Variants in BNC2 observed in about 807,000 individuals in gnomAD.
BNC2 encodes the protein basonuclin zinc finger protein 2, also known as zinc finger protein basonuclin-2.
BNC2 carries 20 observed loss-of-function variants against 76.3 expected under a neutral mutation model. The ratio of observed to expected loss-of-function variants is 0.26; its 90% CI spans 0.18 to 0.38. The LOEUF (loss-of-function observed/expected upper bound fraction) is 0.38. BNC2 is among the 10% of genes least tolerant of loss of function. The probability of loss-of-function intolerance (pLI) is 1.00; values close to 1 mark genes in which losing one functional copy is unlikely to be tolerated. For synonymous variants in BNC2, 582 were observed against 514.8 expected, an observed-to-expected ratio of 1.13 and a Z score of -1.77; for missense variants, 1,382 against 1,399.8, an observed-to-expected ratio of 0.99 and a Z score of 0.20.
intron 4 of BNC2, among the ~76,000 whole-genome samples, chr9:16,553,487 A>C (rs1818727785): frequency 6.6e-6 from 1 of 152,244 alleles, no homozygotes; most frequent in South Asian, 2.1e-4. Context: ...AATTAAAGTC[A>C]TAATTTTAAA....
At chr9:16,781,246 G>GATCCGGATTCAAGACCTCATGTT (rs58363689) in intron 1 of BNC2, among the ~76,000 whole-genome samples, 2 of 151,932 alleles carry the variant, frequency 1.3e-5, no homozygotes, top group Non-Finnish European at 2.9e-5. Flanking sequence ...AAGGTCTGAA[G>GATCCGGATTCAAGACCTCATGTT]ATCAGGGCTG....
chr9:16,623,290 G>A (rs547884488), intron 3 of BNC2, among the ~76,000 whole-genome samples: 1 of 152,018 alleles, frequency 6.6e-6, no homozygotes, highest in East Asian at 1.9e-4. Context: ...GGAGAGAGAG[G>A]GCATATTGTA....
intron 5 of BNC2, among the ~76,000 whole-genome samples, chr9:16,505,077 G>C (rs927587883): frequency 2.6e-5 from 4 of 152,162 alleles, no homozygotes; most frequent in Non-Finnish European, 5.9e-5. Context: ...TCTGAGCCTT[G>C]TTTCCCTCAT....
At chr9:16,866,108 A>G (rs1027950020) in intron 1 of BNC2, among the ~76,000 whole-genome samples, 1 of 152,212 alleles carries the variant, frequency 6.6e-6, no homozygotes, top group Non-Finnish European at 1.5e-5. Flanking sequence ...AAACTAGTAT[A>G]TAAATATTAA....
chr9:16,604,569 G>C (rs1005177034), intron 3 of BNC2, among the ~76,000 whole-genome samples: 3 of 152,118 alleles, frequency 2.0e-5, no homozygotes, highest in African/African-American at 7.2e-5. Context: ...CACTGAGCTG[G>C]GTGGATCACT....
At chr9:16,682,565 C>G (rs896872303) in intron 3 of BNC2, among the ~76,000 whole-genome samples, 1 of 152,066 alleles carries the variant, frequency 6.6e-6, no homozygotes, top group African/African-American at 2.4e-5. Flanking sequence ...TCATTAATTA[C>G]AGGAAGCACC....
chr9:16,449,008 G>T (rs1171496005), intron 5 of BNC2, among the ~76,000 whole-genome samples: 1 of 152,136 alleles, frequency 6.6e-6, no homozygotes, highest in Non-Finnish European at 1.5e-5. Flanking sequence ...ACAAAAGAGA[G>T]GTGTTTGGGG....
At chr9:16,833,342 C>T (rs546276840) in intron 1 of BNC2, among the ~76,000 whole-genome samples, 2 of 152,184 alleles carry the variant, frequency 1.3e-5, no homozygotes, top group African/African-American at 2.4e-5. Flanking sequence ...TTACCAGGAT[C>T]GTCAAAAAGT....
chr9:16,766,481 CA>C (rs1235230433), intron 1 of BNC2, among the ~76,000 whole-genome samples: 1 of 152,136 alleles, frequency 6.6e-6, no homozygotes, highest in African/African-American at 2.4e-5. Context: ...GATGGGAACC[CA>C]GTTCCCACCC....
At chr9:16,471,494 A>G (rs541687064) in intron 5 of BNC2, among the ~76,000 whole-genome samples, 3 of 152,092 alleles carry the variant, frequency 2.0e-5, no homozygotes, top group South Asian at 4.2e-4. Flanking sequence ...GGGTTTCACT[A>G]TGTTGGCCAG....
intron 1 of BNC2, among the ~76,000 whole-genome samples, chr9:16,780,751 A>G (rs544728711): frequency 6.6e-6 from 1 of 152,304 alleles, no homozygotes; most frequent in East Asian, 1.9e-4. Flanking sequence ...AGAGCAAAAA[A>G]TCTGCAAAAA....
chr9:16,832,585 G>C (rs1001965850), intron 1 of BNC2, among the ~76,000 whole-genome samples: 3 of 151,950 alleles, frequency 2.0e-5, no homozygotes, highest in Admixed American at 6.6e-5. Context: ...TTCTCTCAAG[G>C]GTCTGTGAAA....
At chr9:16,616,535 A>G (rs781645252) in intron 3 of BNC2, among the ~76,000 whole-genome samples, 3 of 151,740 alleles carry the variant, frequency 2.0e-5, no homozygotes, top group African/African-American at 4.8e-5. Context: ...TGTCTCTACA[A>G]AAAAAATTTT....
intron 1 of BNC2, among the ~76,000 whole-genome samples, chr9:16,818,468 A>T (rs1220297637): frequency 6.6e-6 from 1 of 152,192 alleles, no homozygotes; most frequent in African/African-American, 2.4e-5. Context: ...TTTAAAGAGA[A>T]TACCAAAATG....
At chr9:16,568,485 C>A (rs1819228030) in intron 4 of BNC2, among the ~76,000 whole-genome samples, 1 of 152,068 alleles carries the variant, frequency 6.6e-6, no homozygotes, top group Admixed American at 6.6e-5. Flanking sequence ...GCACACTATA[C>A]CCAATATAAT....
intron 5 of BNC2, among the ~76,000 whole-genome samples, chr9:16,444,430 C>T (rs1486861890): frequency 2.6e-5 from 4 of 152,036 alleles, no homozygotes; most frequent in African/African-American, 9.7e-5. Flanking sequence ...ACTGATAATC[C>T]GCCTTTGCTT....
intron 1 of BNC2, among the ~76,000 whole-genome samples, chr9:16,746,430 C>G (rs951607266): frequency 6.6e-6 from 1 of 151,970 alleles, no homozygotes; most frequent in Middle Eastern, 3.2e-3. Context: ...ATGGTCCAAT[C>G]TCTGCTAACT....
intron 5 of BNC2, among the ~76,000 whole-genome samples, chr9:16,463,646 C>A (rs901862799): frequency 6.6e-6 from 1 of 152,078 alleles, no homozygotes; most frequent in East Asian, 1.9e-4. Context: ...TGCTATCTCA[C>A]CGCACTGACA....
intron 3 of BNC2, among the ~76,000 whole-genome samples, chr9:16,637,238 TAA>T (rs997922224): frequency 1.3e-5 from 2 of 152,096 alleles, no homozygotes; most frequent in Non-Finnish European, 2.9e-5. Context: ...CATAAAGAAA[TAA>T]GACTCTTAAA....
Sources: allele counts gnomAD v4.1 joint callset (sites outside exome capture counted in the v4.1 genomes callset), GRCh38; gene constraint gnomAD v4.1.1; transcripts MANE v1.5; gene names NCBI Gene and HGNC (gene_info 2026-07-23, HGNC 2026-07-21).